The following LRRTM4 variants were observed in gnomAD, a reference collection of about 807,000 sequenced individuals.
LRRTM4 encodes the protein leucine-rich repeat transmembrane neuronal protein 4.
A neutral mutation model predicts 47.6 loss-of-function variants in LRRTM4; 25 were observed. The ratio of observed to expected loss-of-function variants is 0.53; its 90% CI spans 0.38 to 0.73. The LOEUF (loss-of-function observed/expected upper bound fraction) is 0.73. LRRTM4 is among the 30% of genes least tolerant of loss of function. The probability of loss-of-function intolerance (pLI) is 0.00; values close to 1 mark genes in which losing one functional copy is unlikely to be tolerated. For missense variants in LRRTM4, 638 were observed against 713.4 expected (o/e 0.89, Z 1.20); for synonymous variants, 311 against 269.5 (o/e 1.15, Z -1.51).
At chr2:77,469,789 A>T (rs1285640955) in intron 3 of LRRTM4, among the ~76,000 whole-genome samples, 2 of 151,996 alleles carry the variant, frequency 1.3e-5, no homozygotes, top group Admixed American at 6.6e-5. Flanking sequence ...TTGGTATTAT[A>T]ATTTATACAT....
intron 3 of LRRTM4, among the ~76,000 whole-genome samples, chr2:77,463,141 T>C (rs569602414): frequency 1.1e-3 from 167 of 152,192 alleles, no homozygotes; most frequent in African/African-American, 3.9e-3. Context: ...ACTACACACC[T>C]AGGCTGTATG....
chr2:76,835,789 T>C (rs544234105), intron 3 of LRRTM4, among the ~76,000 whole-genome samples: 1 of 152,216 alleles, frequency 6.6e-6, no homozygotes, highest in East Asian at 1.9e-4. Flanking sequence ...TATTTAAAAC[T>C]ATGTATAAAC....
chr2:77,108,773 C>A (rs1219235419), intron 3 of LRRTM4, among the ~76,000 whole-genome samples: 1 of 151,382 alleles, frequency 6.6e-6, no homozygotes, highest in Non-Finnish European at 1.5e-5. Context: ...TTAGTAGAGA[C>A]GGGGTTTCAC....
chr2:77,038,275 T>A (rs116135216), intron 3 of LRRTM4, among the ~76,000 whole-genome samples: 2,461 of 151,676 alleles, frequency 0.016, 66 homozygotes, highest in African/African-American at 0.056. Context: ...AAATTCAGCA[T>A]TTGAAATTTG....
intron 3 of LRRTM4, among the ~76,000 whole-genome samples, chr2:76,871,539 A>C (rs1672623796): frequency 6.6e-6 from 1 of 152,148 alleles, no homozygotes; most frequent in Non-Finnish European, 1.5e-5. Flanking sequence ...CAAGCATATA[A>C]AACCTGTACA....
intron 3 of LRRTM4, among the ~76,000 whole-genome samples, chr2:77,277,613 T>C (rs1676397718): frequency 6.6e-6 from 1 of 152,030 alleles, no homozygotes; most frequent in South Asian, 2.1e-4. Flanking sequence ...TGGAGAATGG[T>C]AATTTGGATA....
At chr2:77,513,754 C>T (rs1679106301) in intron 3 of LRRTM4, among the ~76,000 whole-genome samples, 1 of 151,876 alleles carries the variant, frequency 6.6e-6, no homozygotes, top group Non-Finnish European at 1.5e-5. Flanking sequence ...TCAGTAGAGA[C>T]AGGTTTTCAC....
In LRRTM4 at chr2:77,012,295, A is replaced by AT. The variant is rs370477543; in HGVS notation, c.1552-263380dup. On this transcript the variant is annotated intron_variant, in intron 3 of 3. Transcript: ENST00000409884. ...AACATTATTATTTCCAAGAATAATCATTTTTTTTTGGAAATCAGTATTATA... is the reference window on the plus strand; with the variant it reads ...AACATTATTATTTCCAAGAATAATCATTTTTTTTTTGGAAATCAGTATTATA... 9.5e-3 allele frequency among the ~76,000 whole-genome samples: 1,443 copies of AT among 151,104 alleles called. 23 individuals carry two copies. The highest frequency in any genetic ancestry group is 0.029 in the African/African-American group (1,179 of 41,242).
At position 76,824,550 on chromosome 2, in the gene LRRTM4, T is replaced by C. The variant is rs147049834; in HGVS notation, c.1552-75634A>G. The stretch of plus-strand genomic sequence containing the variant: ...TATGTGTATAACACTAAGGAAAGAG[T>C]AGGCAGACAAGAGCAAGGCATGATA... On this transcript the variant is annotated intron_variant, in intron 3 of 3. Transcript: ENST00000409884. 2.8e-3 allele frequency among the ~76,000 whole-genome samples: 424 copies of C among 148,904 alleles called. 1 individual carries two copies. The highest frequency in any genetic ancestry group is 4.6e-3 in the Admixed American group (68 of 14,938).
chr2:77,067,900 CA>C (rs1043917883), intron 3 of LRRTM4, among the ~76,000 whole-genome samples: 39 of 151,098 alleles, frequency 2.6e-4, no homozygotes, highest in African/African-American at 9.0e-4. Context: ...TGATGACCAT[CA>C]AAAAAAGGGA....
At chr2:77,150,967 T>C (rs1672401672) in intron 3 of LRRTM4, among the ~76,000 whole-genome samples, 1 of 152,142 alleles carries the variant, frequency 6.6e-6, no homozygotes, top group Middle Eastern at 3.2e-3. Flanking sequence ...AACACATTCA[T>C]GCACTGTTTT....
intron 3 of LRRTM4, among the ~76,000 whole-genome samples, chr2:77,194,916 A>G (rs1160718024): frequency 6.6e-6 from 1 of 152,154 alleles, no homozygotes; most frequent in African/African-American, 2.4e-5. Flanking sequence ...AAAAGAAAAA[A>G]AAAACAAGGA....
At chr2:76,977,390 A>C (rs1285020438) in intron 3 of LRRTM4, among the ~76,000 whole-genome samples, 1 of 151,834 alleles carries the variant, frequency 6.6e-6, no homozygotes, top group African/African-American at 2.4e-5. Context: ...GTTGGAAATC[A>C]CAGTTCTTTC....
intron 3 of LRRTM4, among the ~76,000 whole-genome samples, chr2:77,377,043 T>C (rs1448538012): frequency 6.6e-6 from 1 of 152,012 alleles, no homozygotes; most frequent in Non-Finnish European, 1.5e-5. Context: ...TGAGTGATGA[T>C]ATAATATCAT....
intron 3 of LRRTM4, among the ~76,000 whole-genome samples, chr2:77,340,739 T>A (rs1671343278): frequency 5.3e-5 from 8 of 151,934 alleles, no homozygotes; most frequent in Admixed American, 5.3e-4. Context: ...CATTTTGGCC[T>A]CCATAACTCA....
At chr2:77,138,925 A>G (rs185515299) in intron 3 of LRRTM4, among the ~76,000 whole-genome samples, 1 of 152,320 alleles carries the variant, frequency 6.6e-6, no homozygotes, top group East Asian at 1.9e-4. Context: ...TAAACCAGGA[A>G]GAAGTTGAAT....
intron 3 of LRRTM4, among the ~76,000 whole-genome samples, chr2:76,779,739 T>A (rs1330163685): frequency 6.6e-6 from 1 of 152,192 alleles, no homozygotes; most frequent in Non-Finnish European, 1.5e-5. Context: ...TGTCTTTTAA[T>A]TGGAGCATTT....
At chr2:76,817,372 A>G (rs1270225891) in intron 3 of LRRTM4, among the ~76,000 whole-genome samples, 1 of 151,958 alleles carries the variant, frequency 6.6e-6, no homozygotes, top group Admixed American at 6.6e-5. Flanking sequence ...ATTATTAAGG[A>G]AGTAAAAGAC....
intron 3 of LRRTM4, among the ~76,000 whole-genome samples, chr2:76,934,112 C>G (rs553092023): frequency 6.6e-6 from 1 of 152,060 alleles, no homozygotes; most frequent in South Asian, 2.1e-4. Context: ...AATAAAGAAC[C>G]TTACTCTGCA....
Sources: gnomAD v4.1 joint callset for allele counts (sites outside exome capture counted in the v4.1 genomes callset) on GRCh38, gnomAD v4.1.1 for gene constraint, MANE v1.5 for transcripts, NCBI Gene and HGNC (gene_info 2026-07-23, HGNC 2026-07-21) for gene names.